The following CNTN5 variants were observed in gnomAD, a reference collection of about 807,000 sequenced individuals.
CNTN5 encodes contactin 5.
CNTN5 carries 77 observed loss-of-function variants against 129.1 expected under a neutral mutation model. The observed-to-expected ratio is 0.60, with a 90% CI of 0.50 to 0.72. The LOEUF (loss-of-function observed/expected upper bound fraction) is 0.72. Ranked by LOEUF, CNTN5 falls within the 30% of genes least tolerant of loss-of-function variation. The pLI is 0.00. For missense variants in CNTN5, 1,478 were observed against 1,328.8 expected, an observed-to-expected ratio of 1.11 and a Z score of -1.75; for synonymous variants, 509 against 465.6, an observed-to-expected ratio of 1.09 and a Z score of -1.20.
At chr11:99,874,269 C>T (rs1416531113) in intron 6 of CNTN5, among the ~76,000 whole-genome samples, 5 of 152,158 alleles carry the variant, frequency 3.3e-5, no homozygotes, top group Admixed American at 2.0e-4. Context: ...CCGTTCCTTT[C>T]CTTTTCTTAA....
intron 3 of CNTN5, among the ~76,000 whole-genome samples, chr11:99,655,780 A>G (rs540558591): frequency 3.3e-4 from 50 of 152,176 alleles, no homozygotes; most frequent in African/African-American, 1.2e-3. Context: ...TCACACACAT[A>G]CACACATAGG....
chr11:99,995,338 CAATA>C (rs1939375223), intron 8 of CNTN5, among the ~76,000 whole-genome samples: 1 of 132,400 alleles, frequency 7.6e-6, no homozygotes, highest in Non-Finnish European at 1.6e-5. Context: ...AAAAAAAAAA[CAATA>C]AATACCACAA....
chr11:99,023,279 C>CTTAA (rs750188772), intron 1 of CNTN5, among the ~76,000 whole-genome samples: 1 of 152,118 alleles, frequency 6.6e-6, no homozygotes, highest in Non-Finnish European at 1.5e-5. Flanking sequence ...TCTTATGTGT[C>CTTAA]CAATTAAGTA....
chr11:99,766,021 G>C (rs1400313066), intron 3 of CNTN5, among the ~76,000 whole-genome samples: 3 of 151,916 alleles, frequency 2.0e-5, no homozygotes, highest in African/African-American at 7.2e-5. Flanking sequence ...AATATCATCT[G>C]TGATTAGAGA....
intron 1 of CNTN5, among the ~76,000 whole-genome samples, chr11:99,032,538 T>G (rs1177249421): frequency 6.6e-6 from 1 of 152,038 alleles, no homozygotes; most frequent in African/African-American, 2.4e-5. Context: ...CATTTTTTCA[T>G]GTGTTTTTTG....
At chr11:99,798,211 T>G (rs1034602563) in intron 3 of CNTN5, among the ~76,000 whole-genome samples, 2 of 151,808 alleles carry the variant, frequency 1.3e-5, no homozygotes, top group African/African-American at 4.9e-5. Context: ...GATGCGGCAT[T>G]TGGTTTTCTG....
At chr11:99,141,343 A>G (rs960352340) in intron 1 of CNTN5, among the ~76,000 whole-genome samples, 17 of 152,034 alleles carry the variant, frequency 1.1e-4, no homozygotes, top group Non-Finnish European at 2.1e-4. Flanking sequence ...TTTGAGGTCA[A>G]TGGTAATGTA....
chr11:99,625,923 TACAC>T (rs59702051), intron 3 of CNTN5, among the ~76,000 whole-genome samples: 13 of 28,200 alleles, frequency 4.6e-4, no homozygotes, highest in African/African-American at 8.8e-4. Context: ...TATATATATA[TACAC>T]ACACACACAC....
At chr11:99,102,131 G>A (rs934733802) in intron 1 of CNTN5, among the ~76,000 whole-genome samples, 4 of 152,110 alleles carry the variant, frequency 2.6e-5, no homozygotes, top group Non-Finnish European at 5.9e-5. Flanking sequence ...CTGTATCTTG[G>A]CCCCTTTTTG....
chr11:100,204,297 AATATATATATATAT>A (rs10633078), intron 15 of CNTN5, among the ~76,000 whole-genome samples: 1,802 of 17,658 alleles, frequency 0.1, 152 homozygotes, highest in African/African-American at 0.17. Flanking sequence ...AACATTGACT[AATATATATATATAT>A]ATATATATAT....
In CNTN5 at chr11:100,274,927, G is replaced by C. The variant is rs966039622; in HGVS notation, c.2314+3686G>C. ...TAATACCTGGGTGATGAAATAATCT[G>C]TACAACAAACCCCCATGTCACAAGT... is the stretch of plus-strand genomic sequence containing the variant. On this transcript the variant is annotated intron_variant, in intron 18 of 24. Coordinates refer to ENST00000524871, the MANE Select transcript of CNTN5 (RefSeq NM_014361.4). 5.9e-5 allele frequency among the ~76,000 whole-genome samples: 9 copies of C among 152,240 alleles called. No homozygotes were observed. The South Asian group carries it at 1.9e-3, about 32-fold the overall frequency.
chr11:100,320,324 T>C (rs933363196), intron 21 of CNTN5, among the ~76,000 whole-genome samples: 4 of 152,216 alleles, frequency 2.6e-5, no homozygotes, highest in African/African-American at 9.7e-5. Flanking sequence ...CATATACCTG[T>C]TGGCCATTTG....
chr11:99,863,219 A>G (rs1948261673), intron 6 of CNTN5, among the ~76,000 whole-genome samples: 2 of 152,138 alleles, frequency 1.3e-5, no homozygotes, highest in Admixed American at 6.6e-5. Flanking sequence ...GCCCAATATA[A>G]TGAAAGAGAT....
intron 2 of CNTN5, among the ~76,000 whole-genome samples, chr11:99,414,980 A>T (rs2135026667): frequency 6.6e-6 from 1 of 152,082 alleles, no homozygotes; most frequent in South Asian, 2.1e-4. Flanking sequence ...TTTTAAGAAA[A>T]CTCCAGTAAA....
intron 2 of CNTN5, among the ~76,000 whole-genome samples, chr11:99,551,113 A>G (rs761217648): frequency 1.3e-5 from 2 of 152,176 alleles, no homozygotes; most frequent in African/African-American, 2.4e-5. Context: ...TTAAAGTTGT[A>G]TATGATGCAA....
intron 3 of CNTN5, among the ~76,000 whole-genome samples, chr11:99,574,377 T>G (rs1003634674): frequency 2.0e-5 from 3 of 152,222 alleles, no homozygotes; most frequent in African/African-American, 7.2e-5. Context: ...TATGCATGCA[T>G]GCATCTTTAT....
chr11:99,363,022 T>A (rs1298936689), intron 2 of CNTN5, among the ~76,000 whole-genome samples: 2 of 152,174 alleles, frequency 1.3e-5, no homozygotes, highest in African/African-American at 2.4e-5. Flanking sequence ...TCCATGTGAA[T>A]TTTTTGATGT....
chr11:99,263,429 T>A (rs1425011994), intron 1 of CNTN5, among the ~76,000 whole-genome samples: 2 of 152,124 alleles, frequency 1.3e-5, no homozygotes. Context: ...TGTACAAAAG[T>A]CTATTACATG....
At chr11:100,117,848 A>G (rs1029182682) in intron 13 of CNTN5, among the ~76,000 whole-genome samples, 1 of 151,862 alleles carries the variant, frequency 6.6e-6, no homozygotes, top group Admixed American at 6.6e-5. Flanking sequence ...GAATAAGTCA[A>G]TTGAATACCG....
Sources: gnomAD v4.1 joint callset for allele counts (sites outside exome capture counted in the v4.1 genomes callset) on GRCh38, gnomAD v4.1.1 for gene constraint, MANE v1.5 for transcripts, NCBI Gene and HGNC (gene_info 2026-07-23, HGNC 2026-07-21) for gene names.